The following RORA variants were observed in gnomAD, a reference collection of about 807,000 sequenced individuals.
RORA encodes nuclear receptor ROR-alpha.
In RORA, 7 loss-of-function variants were observed where a neutral mutation model predicts 69.5. The observed-to-expected ratio is 0.10, with a 90% CI of 0.06 to 0.19. RORA has a LOEUF of 0.19. RORA is among the 10% of genes least tolerant of loss of function. The pLI, the probability that RORA is intolerant of heterozygous loss-of-function variation, is 1.00. For missense variants in RORA, 457 were observed against 663.0 expected (o/e 0.69, Z 3.41); for synonymous variants, 261 against 240.8 (o/e 1.08, Z -0.78).
chr15:60,503,539 T>C lies in RORA; in HGVS notation c.1071A>G (p.Lys357=), dbSNP rs760525297. Reference sequence around the variant, plus strand: ...ATTCACTTGCAAAGCACATACCTGCTTTTAGAAGCACAATTTGATCATTTT... The same window carrying C: ...ATTCACTTGCAAAGCACATACCTGCCTTTAGAAGCACAATTTGATCATTTT... The part of the protein sequence containing the change: ...LCQNDQIVLL[K]AGSLEVVFIR... Residue 357 remains lysine, a synonymous_variant, in exon 7 of 11, where the codon AAA becomes AAG. Coordinates refer to ENST00000335670, the MANE Select transcript of RORA (RefSeq NM_134261.3). 21 of 1,613,962 alleles carry C rather than the reference T, an allele frequency of 1.3e-5. No individual in the cohort carries two copies. The highest frequency in any genetic ancestry group is 1.7e-5 in the Non-Finnish European group (20 of 1,179,978).
At chr15:60,702,827 G>A (rs2071003087) in intron 1 of RORA, among the ~76,000 whole-genome samples, 1 of 152,094 alleles carries the variant, frequency 6.6e-6, no homozygotes. Flanking sequence ...GGTTTGTTTG[G>A]GAGGAAGCCC....
chr15:60,490,733 TA>T lies in RORA; in HGVS notation c.*6721del, dbSNP rs1392256170. ...TTATTGCTTGACATTCAGTTATGGC[TA>T]GATTATTTAACCTATTTTTTTTGTA... On this transcript the variant is annotated 3_prime_UTR_variant, in exon 11 of 11. Transcript: ENST00000335670. The surrounding 1 kb of genome is among the most constrained non-coding windows in gnomAD (Gnocchi z 4.1). 6.6e-6 allele frequency: 1 copy of T among 152,182 alleles called. No individual in the cohort carries two copies. Among genetic ancestry groups the T allele is most frequent in the African/African-American group, 2.4e-5 (1 of 41,450 alleles). The allele number at this position is 152,182 out of a possible 1,614,324, so 9.4% of individuals were successfully genotyped here. A position where few individuals can be genotyped will look rare whatever the true frequency, so the allele number is the denominator to read the frequency against.
chr15:60,590,968 T>C (rs551138711), intron 2 of RORA, among the ~76,000 whole-genome samples: 2 of 152,322 alleles, frequency 1.3e-5, no homozygotes, highest in East Asian at 3.9e-4. Context: ...GGCCTGTTAA[T>C]AATTAATAAA....
At chr15:60,670,245 C>T (rs2070445442) in intron 2 of RORA, among the ~76,000 whole-genome samples, 1 of 145,374 alleles carries the variant, frequency 6.9e-6, no homozygotes, top group African/African-American at 2.6e-5. Flanking sequence ...AGTCCCACTA[C>T]ATTGCCCAGG....
intron 1 of RORA, among the ~76,000 whole-genome samples, chr15:61,125,389 T>C (rs984979198): frequency 6.6e-6 from 1 of 152,248 alleles, no homozygotes; most frequent in Admixed American, 6.5e-5. Context: ...GTTAATTTCT[T>C]TATTGATACT....
intron 1 of RORA, among the ~76,000 whole-genome samples, chr15:60,725,419 T>A (rs2071344276): frequency 6.6e-6 from 1 of 152,162 alleles, no homozygotes; most frequent in South Asian, 2.1e-4. Context: ...CATGGAAAAA[T>A]TTTTTTAATT....
Position 61,131,316 on chromosome 15 carries a change from A to G in RORA, c.166+97737T>C, listed in dbSNP as rs562173548. ...TATTTATCTGTTAATAAATAAATCC[A>G]TGTTTTAAAAGTTTTGAATTGTCTG... On this transcript the variant is annotated intron_variant, in intron 1 of 10. Coordinates refer to ENST00000335670, the MANE Select transcript of RORA (RefSeq NM_134261.3). This position sits in a 1 kb window ranked among gnomAD's most constrained non-coding sequence, Gnocchi z 4.2. Among the ~76,000 whole-genome samples, 45 of 152,380 alleles carry G rather than the reference A, an allele frequency of 3.0e-4. No individual in the cohort carries two copies. Among genetic ancestry groups the G allele is most frequent in the African/African-American group, 1.1e-3 (44 of 41,594 alleles).
chr15:61,172,702 C>T (rs1567021972), intron 1 of RORA, among the ~76,000 whole-genome samples: 2 of 152,210 alleles, frequency 1.3e-5, no homozygotes, highest in Non-Finnish European at 2.9e-5. Flanking sequence ...AAAGTAAATA[C>T]ATACTCTCCT....
chr15:60,625,120 C>G (rs969245415), intron 2 of RORA, among the ~76,000 whole-genome samples: 24 of 152,084 alleles, frequency 1.6e-4, no homozygotes, highest in African/African-American at 5.1e-4. Context: ...GCTTTTCAAC[C>G]AAGCTCCAAT....
chr15:61,060,042 A>AGAG (rs1252572318), intron 1 of RORA, among the ~76,000 whole-genome samples: 2 of 146,964 alleles, frequency 1.4e-5, no homozygotes, highest in African/African-American at 5.0e-5. Context: ...AAGAAGAAGA[A>AGAG]GAAGAAGAAA....
chr15:60,640,857 C>G (rs1406887712), intron 2 of RORA, among the ~76,000 whole-genome samples: 1 of 152,192 alleles, frequency 6.6e-6, no homozygotes, highest in African/African-American at 2.4e-5. Context: ...GCACTTGTCA[C>G]TATGTGAAAG....
At chr15:60,695,836 T>G (rs2070896234) in intron 1 of RORA, among the ~76,000 whole-genome samples, 1 of 151,942 alleles carries the variant, frequency 6.6e-6, no homozygotes, top group African/African-American at 2.4e-5. Flanking sequence ...GGATTTTAGT[T>G]CCAGCAAATG....
intron 2 of RORA, among the ~76,000 whole-genome samples, chr15:60,567,561 C>T (rs898711845): frequency 6.6e-6 from 1 of 151,974 alleles, no homozygotes; most frequent in Non-Finnish European, 1.5e-5. Context: ...CAGGCATGCA[C>T]CACCACACCC....
At chr15:61,074,665 T>C (rs548052574) in intron 1 of RORA, among the ~76,000 whole-genome samples, 14 of 152,300 alleles carry the variant, frequency 9.2e-5, no homozygotes, top group Admixed American at 2.0e-4. Flanking sequence ...CAAGGGAAAG[T>C]TCATGAGGGT....
intron 1 of RORA, among the ~76,000 whole-genome samples, chr15:60,787,525 C>G (rs1234965295): frequency 6.6e-6 from 1 of 152,216 alleles, no homozygotes; most frequent in Non-Finnish European, 1.5e-5. Context: ...GCTTATCTAA[C>G]AGAAATACAG....
In RORA at chr15:60,568,130, T is replaced by G. The variant is rs191526322; in HGVS notation, c.197-36279A>C. 3.5e-4 allele frequency among the ~76,000 whole-genome samples: 53 copies of G among 152,330 alleles called. 1 individual carries two copies. The East Asian group carries it at 7.0e-3, about 20-fold the overall frequency. On this transcript the variant is annotated intron_variant, in intron 2 of 10. Coordinates refer to ENST00000335670, the MANE Select transcript of RORA (RefSeq NM_134261.3). Reference sequence around the variant, plus strand: ...TGCCCCCAGTTGAGAACCACTGTTTTATGGAGAGAATGGTTTCCAGGAAAA... The same window carrying G: ...TGCCCCCAGTTGAGAACCACTGTTTGATGGAGAGAATGGTTTCCAGGAAAA...
intron 2 of RORA, among the ~76,000 whole-genome samples, chr15:60,604,132 CAAAAAAAAAA>C (rs3053857): frequency 2.2e-5 from 2 of 91,982 alleles, no homozygotes; most frequent in Non-Finnish European, 4.3e-5. Context: ...GACTCTGTCT[CAAAAAAAAAA>C]AAAAAAAAAA....
intron 1 of RORA, among the ~76,000 whole-genome samples, chr15:61,188,157 C>T (rs963199709): frequency 2.0e-5 from 3 of 152,244 alleles, no homozygotes; most frequent in Non-Finnish European, 4.4e-5. Flanking sequence ...TTTCCCCACC[C>T]GACACACCTC....
At position 60,911,069 on chromosome 15, in the gene RORA, A is replaced by ATT. The variant is rs528370848; in HGVS notation, c.167-232385_167-232384dup. ...AGGCGCCCACCACCATGCCCAGCTA[A>ATT]TTTTTTTTTTTTTTTTTTTTTTTTT... On this transcript the variant is annotated intron_variant, in intron 1 of 10. Coordinates refer to ENST00000335670, the MANE Select transcript of RORA (RefSeq NM_134261.3). Among the ~76,000 whole-genome samples, 12 of 89,676 alleles carry ATT rather than the reference A, an allele frequency of 1.3e-4. 1 individual carries two copies. The highest frequency in any genetic ancestry group is 1.7e-4 in the Non-Finnish European group (8 of 46,098). The allele number at this position is 89,676 out of a possible 152,430, so 58.8% of individuals were successfully genotyped here.
Sources: gnomAD v4.1 joint callset for allele counts (sites outside exome capture counted in the v4.1 genomes callset) on GRCh38, gnomAD v4.1.1 for gene constraint, Gnocchi (gnomAD v3.1) non-coding constraint, MANE v1.5 for transcripts, NCBI Gene and HGNC (gene_info 2026-07-23, HGNC 2026-07-21) for gene names.